ADCY3: variants seen among roughly 807,000 people sequenced by gnomAD.
ADCY3 encodes adenylate cyclase 3.
ADCY3 carries 70 observed loss-of-function variants against 119.4 expected under a neutral mutation model. That is an observed-to-expected ratio of 0.59 (90% CI 0.48 to 0.72). ADCY3 has a LOEUF of 0.72. Among genes scored for constraint, ADCY3 ranks in the 30% least tolerant of loss-of-function variants. ADCY3 has a pLI of 0.00. For synonymous variants in ADCY3, 672 were observed against 621.4 expected (o/e 1.08, Z -1.21); for missense variants, 1,238 against 1,541.6 (o/e 0.80, Z 3.30).
intron 3 of ADCY3, among the ~76,000 whole-genome samples, chr2:24,871,682 T>C (rs1010080790): frequency 4.6e-5 from 7 of 152,218 alleles, no homozygotes; most frequent in Non-Finnish European, 1.0e-4. Flanking sequence ...TGAACACAGA[T>C]GACATGGTTC....
At chr2:24,866,968 T>A (rs1329471845) in intron 3 of ADCY3, among the ~76,000 whole-genome samples, 1 of 152,150 alleles carries the variant, frequency 6.6e-6, no homozygotes, top group African/African-American at 2.4e-5. Flanking sequence ...ACAAGGATAT[T>A]GAGTCCTAGA....
At chr2:24,838,293 G>A (rs1670550777) in intron 8 of ADCY3, 152 bp downstream of exon 8, 14 of 760,574 alleles carry the variant, frequency 1.8e-5, no homozygotes, top group Non-Finnish European at 3.0e-5. Context: ...GCTCTCCCTT[G>A]GGAAGGGTGC....
rs1306023880 is a variant in ADCY3, at chr2:24,842,057, G to C, written c.956+197C>G. 6.6e-6 allele frequency among the ~76,000 whole-genome samples: 1 copy of C among 152,194 alleles called. No individual in the cohort carries two copies. Among genetic ancestry groups the C allele is most frequent in the Non-Finnish European group, 1.5e-5 (1 of 68,024 alleles). On this transcript the variant is annotated intron_variant, in intron 4 of 21. Coordinates refer to ENST00000679454, the MANE Select transcript of ADCY3 (RefSeq NM_004036.5). The surrounding 1 kb of genome is among the most constrained non-coding windows in gnomAD (Gnocchi z 4.9). ...TGATATCTGTTCTATGATGGGGTTG[G>C]ACCAAGCAGCCTAGAGCACACTGTA...
At chr2:24,882,954 G>A (rs1204422022) in intron 2 of ADCY3, among the ~76,000 whole-genome samples, 1 of 152,008 alleles carries the variant, frequency 6.6e-6, no homozygotes, top group Admixed American at 6.6e-5. Context: ...AAGTTATTTG[G>A]GAGGCTGAGG....
chr2:24,840,659 CG>C, intron 6 of ADCY3: 1 of 399,656 alleles, frequency 2.5e-6, no homozygotes, highest in Non-Finnish European at 5.2e-6. Context: ...GATGTCACCC[CG>C]GGTCCCGCAG....
intron 2 of ADCY3, among the ~76,000 whole-genome samples, chr2:24,903,149 CAA>C (rs57777144): frequency 0.039 from 3,737 of 95,338 alleles, 62 homozygotes; most frequent in South Asian, 0.075. Flanking sequence ...ACTCTATCTC[CAA>C]AAAAAAAAAA....
intron 2 of ADCY3, among the ~76,000 whole-genome samples, chr2:24,889,986 G>A (rs1462439336): frequency 6.6e-6 from 1 of 152,206 alleles, no homozygotes; most frequent in Non-Finnish European, 1.5e-5. Flanking sequence ...TTCTCAGGTT[G>A]AAGAAATTAT....
intron 2 of ADCY3, among the ~76,000 whole-genome samples, chr2:24,904,595 C>G (rs1573041067): frequency 6.6e-6 from 1 of 152,100 alleles, no homozygotes; most frequent in Non-Finnish European, 1.5e-5. Context: ...AAAGCATATT[C>G]TCTCCGACAT....
intron 3 of ADCY3, among the ~76,000 whole-genome samples, chr2:24,854,002 T>G (rs1200376925): frequency 6.6e-6 from 1 of 152,184 alleles, no homozygotes; most frequent in Non-Finnish European, 1.5e-5. Flanking sequence ...TCAGGCCCCT[T>G]TGGTGTTGTC....
chr2:24,868,617 G>C (rs916470683), intron 3 of ADCY3, among the ~76,000 whole-genome samples: 1 of 152,074 alleles, frequency 6.6e-6, no homozygotes, highest in African/African-American at 2.4e-5. Context: ...CTGGGTAACA[G>C]AGCAAGATTC....
Position 24,835,765 on chromosome 2 carries a change from A to G in ADCY3, c.1663-829T>C, listed in dbSNP as rs958114478. 6.6e-5 allele frequency among the ~76,000 whole-genome samples: 10 copies of G among 152,174 alleles called. No homozygotes were observed. The South Asian group carries it at 1.9e-3, about 28-fold the overall frequency. On this transcript the variant is annotated intron_variant, in intron 9 of 21. Transcript: ENST00000679454. ...AGACTGGCCAACATAGTGAAACTCC[A>G]TCTTTACTAAAAATACAAAAATTAG...
intron 2 of ADCY3, among the ~76,000 whole-genome samples, chr2:24,886,004 C>T (rs1490895087): frequency 2.0e-5 from 3 of 152,232 alleles, no homozygotes; most frequent in Non-Finnish European, 4.4e-5. Flanking sequence ...GGAAGCTTCT[C>T]ATTTTACTTG....
chr2:24,842,242 G>A lies in ADCY3; in HGVS notation c.956+12C>T, dbSNP rs200056496. On this transcript the variant is annotated intron_variant, in intron 4 of 21. Transcript: ENST00000679454. The surrounding 1 kb of genome is among the most constrained non-coding windows in gnomAD (Gnocchi z 4.9). Reference sequence around the variant, plus strand: ...GCTCTGCCATCAGAGCCCGCGCCCCGGGCCGGCGTACCTGACGTTCTCGTG... The same window carrying A: ...GCTCTGCCATCAGAGCCCGCGCCCCAGGCCGGCGTACCTGACGTTCTCGTG... 8.2e-5 allele frequency: 132 copies of A among 1,613,820 alleles called. No individual in the cohort carries two copies. The highest frequency in any genetic ancestry group is 1.7e-4 in the Middle Eastern group (1 of 6,036).
intron 3 of ADCY3, among the ~76,000 whole-genome samples, chr2:24,870,382 A>T (rs1429966700): frequency 6.6e-6 from 1 of 152,002 alleles, no homozygotes; most frequent in South Asian, 2.1e-4. Flanking sequence ...ATATGGGGAT[A>T]CTGAAGTCCA....
chr2:24,849,050 C>A (rs1671985375), intron 3 of ADCY3, among the ~76,000 whole-genome samples: 1 of 152,186 alleles, frequency 6.6e-6, no homozygotes, highest in African/African-American at 2.4e-5. Flanking sequence ...GGTGTGTGGG[C>A]AGGGAGGGAC....
chr2:24,876,037 G>C (rs540480233), intron 2 of ADCY3, among the ~76,000 whole-genome samples: 1 of 152,072 alleles, frequency 6.6e-6, no homozygotes, highest in East Asian at 1.9e-4. Flanking sequence ...CTGTTGCCCA[G>C]GCTGCACTGC....
At chr2:24,906,510 A>C (rs750445989) in intron 2 of ADCY3, among the ~76,000 whole-genome samples, 42 of 152,192 alleles carry the variant, frequency 2.8e-4, no homozygotes, top group Non-Finnish European at 5.9e-4. Flanking sequence ...AAAGGCACTG[A>C]AGGGTGAGGC....
chr2:24,892,491 T>G (rs1677781877), intron 2 of ADCY3, among the ~76,000 whole-genome samples: 2 of 152,198 alleles, frequency 1.3e-5, no homozygotes, highest in South Asian at 4.1e-4. Context: ...GACCTCGTGA[T>G]CCACCCGCCT....
chr2:24,851,795 T>C (rs1672322384), intron 3 of ADCY3, among the ~76,000 whole-genome samples: 1 of 152,164 alleles, frequency 6.6e-6, no homozygotes, highest in Non-Finnish European at 1.5e-5. Context: ...GCCTCTCAAA[T>C]GAAGTACTGA....
Sources: gnomAD v4.1 joint callset for allele counts (sites outside exome capture counted in the v4.1 genomes callset) on GRCh38, gnomAD v4.1.1 for gene constraint, Gnocchi (gnomAD v3.1) non-coding constraint, MANE v1.5 for transcripts, NCBI Gene and HGNC (gene_info 2026-07-23, HGNC 2026-07-21) for gene names.